The following PTPRD variants were observed in gnomAD, a reference collection of about 807,000 sequenced individuals.
The protein encoded by PTPRD is receptor-type tyrosine-protein phosphatase delta.
Under a neutral mutation model 214.5 loss-of-function variants are expected in PTPRD, and 34 were observed. The ratio of observed to expected loss-of-function variants is 0.16; its 90% CI spans 0.12 to 0.21. The LOEUF (loss-of-function observed/expected upper bound fraction) is 0.21. Among genes scored for constraint, PTPRD ranks in the 10% least tolerant of loss-of-function variants. The pLI is 1.00. For missense variants in PTPRD, 2,545 were observed against 2,398.7 expected (o/e 1.06, Z -1.27); for synonymous variants, 1,128 against 845.7 (o/e 1.33, Z -5.79).
At chr9:10,141,525 T>C (rs291282) in intron 3 of PTPRD, among the ~76,000 whole-genome samples, 148,966 of 152,168 alleles carry the variant, frequency 0.98, 72,979 homozygotes, top group East Asian at 1. Flanking sequence ...AATAAAATAC[T>C]TAGGAATTCA....
intron 32 of PTPRD, among the ~76,000 whole-genome samples, chr9:8,465,241 G>C (rs1471016260): frequency 6.6e-6 from 1 of 151,860 alleles, no homozygotes; most frequent in Non-Finnish European, 1.5e-5. Context: ...TCATAAACTA[G>C]AGGGCCACCT....
intron 35 of PTPRD, among the ~76,000 whole-genome samples, chr9:8,419,019 G>T (rs970772141): frequency 6.6e-6 from 1 of 151,822 alleles, no homozygotes; most frequent in Non-Finnish European, 1.5e-5. Flanking sequence ...AGGAGTTCGA[G>T]ACTGGCCTCA....
chr9:10,300,413 C>G (rs12349023), intron 3 of PTPRD, among the ~76,000 whole-genome samples: 2 of 152,166 alleles, frequency 1.3e-5, no homozygotes. Flanking sequence ...CAAGACAGAA[C>G]CATTCCCTCC....
At chr9:8,377,365 A>T (rs1179169776) in intron 37 of PTPRD, among the ~76,000 whole-genome samples, 1 of 152,122 alleles carries the variant, frequency 6.6e-6, no homozygotes, top group African/African-American at 2.4e-5. Context: ...TAAATAATTT[A>T]AAATTCATCC....
intron 2 of PTPRD, among the ~76,000 whole-genome samples, chr9:10,603,557 A>G (rs1466775733): frequency 1.3e-5 from 2 of 151,932 alleles, no homozygotes; most frequent in East Asian, 3.9e-4. Flanking sequence ...AACTTTAGGC[A>G]ACTTAACCTC....
chr9:10,069,085 T>C (rs909593284), intron 3 of PTPRD, among the ~76,000 whole-genome samples: 4 of 151,986 alleles, frequency 2.6e-5, no homozygotes, highest in African/African-American at 9.7e-5. Context: ...CTTGGTTTTA[T>C]TGTGTCAACC....
intron 5 of PTPRD, among the ~76,000 whole-genome samples, chr9:9,924,102 G>A (rs1307417296): frequency 6.6e-6 from 1 of 151,924 alleles, no homozygotes; most frequent in Non-Finnish European, 1.5e-5. Context: ...TATTTATGTA[G>A]TCATAATCAT....
intron 2 of PTPRD, among the ~76,000 whole-genome samples, chr9:10,496,663 T>C (rs750548585): frequency 1.3e-5 from 2 of 152,070 alleles, no homozygotes; most frequent in Non-Finnish European, 2.9e-5. Flanking sequence ...TGGTGTAAGA[T>C]AGTAACTCAT....
intron 5 of PTPRD, among the ~76,000 whole-genome samples, chr9:9,899,793 T>A (rs1297478452): frequency 1.3e-5 from 2 of 151,930 alleles, no homozygotes; most frequent in East Asian, 3.9e-4. Context: ...AGATATAGAA[T>A]CAACTTAAGT....
chr9:9,242,036 C>T (rs1382619138), intron 9 of PTPRD, among the ~76,000 whole-genome samples: 1 of 151,954 alleles, frequency 6.6e-6, no homozygotes, highest in African/African-American at 2.4e-5. Flanking sequence ...GTAGGGCAGG[C>T]CTGGTGGTGA....
At position 8,563,933 on chromosome 9, in the gene PTPRD, T is replaced by C. The variant is rs2087644412; in HGVS notation, c.353-35154A>G. On this transcript the variant is annotated intron_variant, in intron 14 of 45. Transcript: ENST00000381196. ...TGCCTGACTTGGCCTCCCAAAGTGC[T>C]GGGATTGCAGGCGTGAGGCATTGCA... is the stretch of plus-strand genomic sequence containing the variant. Among the ~76,000 whole-genome samples the C allele has an allele frequency of 2.0e-5, 3 of 152,222 alleles. No individual in the cohort carries two copies. The South Asian group carries it at 6.2e-4, about 31-fold the overall frequency.
At chr9:9,167,729 T>C (rs1368199844) in intron 10 of PTPRD, among the ~76,000 whole-genome samples, 1 of 152,128 alleles carries the variant, frequency 6.6e-6, no homozygotes, top group Non-Finnish European at 1.5e-5. Flanking sequence ...CACTCCAGCC[T>C]AGGCAATGAG....
intron 3 of PTPRD, among the ~76,000 whole-genome samples, chr9:10,297,361 C>T (rs1305101385): frequency 6.6e-6 from 1 of 151,292 alleles, no homozygotes; most frequent in Non-Finnish European, 1.5e-5. Context: ...TTTGTATATC[C>T]CTTTGCACAC....
chr9:9,683,644 A>C (rs891969764), intron 7 of PTPRD, among the ~76,000 whole-genome samples: 4 of 151,688 alleles, frequency 2.6e-5, no homozygotes, highest in Non-Finnish European at 4.4e-5. Flanking sequence ...AATAAGATTT[A>C]TTGGCATGCT....
At position 8,321,660 on chromosome 9, in the gene PTPRD, G is replaced by A. The variant is rs1828358498; in HGVS notation, c.5535-1694C>T. 3.3e-5 allele frequency among the ~76,000 whole-genome samples: 5 copies of A among 151,416 alleles called. No individual in the cohort carries two copies. In the South Asian group the frequency reaches 1.0e-3, roughly 32 times the overall value. On this transcript the variant is annotated intron_variant, in intron 44 of 45. Transcript: ENST00000381196. ...TACATATAAGGATGCCTAAAGTTAA[G>A]AAGATGTATTAAATTAAAGATACTC...
chr9:9,947,525 T>C (rs2092874893), intron 4 of PTPRD, among the ~76,000 whole-genome samples: 1 of 21,300 alleles, frequency 4.7e-5, no homozygotes, highest in African/African-American at 2.5e-4. Flanking sequence ...ATATATATTA[T>C]ATATATTTTA....
chr9:9,918,029 T>C (rs1008806902), intron 5 of PTPRD, among the ~76,000 whole-genome samples: 3 of 151,972 alleles, frequency 2.0e-5, no homozygotes, highest in Non-Finnish European at 4.4e-5. Context: ...ACCTGTCTTA[T>C]TACACATAGT....
chr9:10,388,330 G>T (rs116101898), intron 2 of PTPRD, among the ~76,000 whole-genome samples: 116 of 151,784 alleles, frequency 7.6e-4, no homozygotes, highest in African/African-American at 2.7e-3. Flanking sequence ...GAGATAAAAT[G>T]ATTAAAAAGA....
chr9:10,279,375 C>T (rs181801566), intron 3 of PTPRD, among the ~76,000 whole-genome samples: 1 of 152,168 alleles, frequency 6.6e-6, no homozygotes, highest in East Asian at 1.9e-4. Context: ...AAATGCATGA[C>T]CCTTTAGGCC....
Sources: gnomAD v4.1 joint callset for allele counts (sites outside exome capture counted in the v4.1 genomes callset) on GRCh38, gnomAD v4.1.1 for gene constraint, MANE v1.5 for transcripts, NCBI Gene and HGNC (gene_info 2026-07-23, HGNC 2026-07-21) for gene names.